SLC9A9: variants seen among roughly 807,000 people sequenced by gnomAD.
The protein encoded by SLC9A9 is sodium/hydrogen exchanger 9.
Under a neutral mutation model 77.8 loss-of-function variants are expected in SLC9A9, and 62 were observed. The ratio of observed to expected loss-of-function variants is 0.80; its 90% CI spans 0.65 to 0.98. The LOEUF (loss-of-function observed/expected upper bound fraction) is 0.98. Ranked by LOEUF, SLC9A9 falls within the 50% of genes least tolerant of loss-of-function variation. SLC9A9 has a pLI of 0.00. For synonymous variants in SLC9A9, 320 were observed against 283.5 expected, an observed-to-expected ratio of 1.13 and a Z score of -1.29; for missense variants, 775 against 774.9, an observed-to-expected ratio of 1.00 and a Z score of 0.00.
At chr3:143,386,004 T>A (rs890475955) in intron 12 of SLC9A9, among the ~76,000 whole-genome samples, 7 of 152,298 alleles carry the variant, frequency 4.6e-5, no homozygotes, top group African/African-American at 1.7e-4. Flanking sequence ...CCACGCTGGC[T>A]ACCACTGAAC....
chr3:143,763,120 A>AG (rs2108833894), intron 4 of SLC9A9, among the ~76,000 whole-genome samples: 1 of 152,262 alleles, frequency 6.6e-6, no homozygotes, highest in African/African-American at 2.4e-5. Flanking sequence ...CCCACTGCTT[A>AG]GGCTTTTGGT....
intron 14 of SLC9A9, among the ~76,000 whole-genome samples, chr3:143,269,532 G>A (rs1480533467): frequency 6.6e-6 from 1 of 152,126 alleles, no homozygotes; most frequent in Admixed American, 6.5e-5. Flanking sequence ...AGTCGGTGCT[G>A]GGTTTATTCT....
chr3:143,523,124 CT>C (rs1310772425), intron 9 of SLC9A9, among the ~76,000 whole-genome samples: 1 of 152,072 alleles, frequency 6.6e-6, no homozygotes, highest in African/African-American at 2.4e-5. Flanking sequence ...GGAGAGAGAG[CT>C]TTAGCACCTC....
intron 11 of SLC9A9, among the ~76,000 whole-genome samples, chr3:143,470,492 A>AG (rs2035360287): frequency 1.3e-5 from 2 of 151,512 alleles, no homozygotes; most frequent in Non-Finnish European, 2.9e-5. Context: ...AAAAAAAAAA[A>AG]AAGAAAAGAA....
intron 12 of SLC9A9, among the ~76,000 whole-genome samples, chr3:143,442,274 C>T (rs991471085): frequency 6.6e-6 from 1 of 152,236 alleles, no homozygotes; most frequent in Non-Finnish European, 1.5e-5. Context: ...AGCAGCATCT[C>T]AGTGGAGATA....
At chr3:143,609,636 T>C (rs918303683) in intron 6 of SLC9A9, among the ~76,000 whole-genome samples, 2 of 152,202 alleles carry the variant, frequency 1.3e-5, no homozygotes, top group Non-Finnish European at 2.9e-5. Flanking sequence ...CTGTTACTAT[T>C]CCTTACAGTT....
chr3:143,309,540 A>G (rs922162815), intron 14 of SLC9A9, among the ~76,000 whole-genome samples: 11 of 151,540 alleles, frequency 7.3e-5, no homozygotes, highest in African/African-American at 2.7e-4. Context: ...AGTAGTTTTT[A>G]TTTAGCAAGG....
chr3:143,292,457 G>T (rs561073957), intron 14 of SLC9A9, among the ~76,000 whole-genome samples: 1 of 152,224 alleles, frequency 6.6e-6, no homozygotes, highest in South Asian at 2.1e-4. Flanking sequence ...GCTGAGATCT[G>T]AACCCAAATC....
At chr3:143,681,574 C>A (rs1028079177) in intron 5 of SLC9A9, among the ~76,000 whole-genome samples, 1 of 152,204 alleles carries the variant, frequency 6.6e-6, no homozygotes, top group African/African-American at 2.4e-5. Flanking sequence ...TATTGTTGAA[C>A]AGAATTTCTG....
At chr3:143,510,782 G>A (rs1156953451) in intron 9 of SLC9A9, among the ~76,000 whole-genome samples, 1 of 152,108 alleles carries the variant, frequency 6.6e-6, no homozygotes, top group Non-Finnish European at 1.5e-5. Context: ...GTTTTGGCCT[G>A]TGAGTCACAT....
intron 11 of SLC9A9, among the ~76,000 whole-genome samples, chr3:143,478,365 C>T (rs907172873): frequency 6.6e-6 from 1 of 152,190 alleles, no homozygotes; most frequent in African/African-American, 2.4e-5. Flanking sequence ...GAATGACAGG[C>T]AGGGCACACA....
intron 11 of SLC9A9, among the ~76,000 whole-genome samples, chr3:143,483,078 G>A (rs1330970657): frequency 1.3e-5 from 2 of 152,184 alleles, no homozygotes; most frequent in Non-Finnish European, 2.9e-5. Flanking sequence ...AACTGCATTG[G>A]AGACACCCAG....
chr3:143,832,736 G>A (rs566061233), intron 1 of SLC9A9, among the ~76,000 whole-genome samples: 1 of 150,258 alleles, frequency 6.7e-6, no homozygotes, highest in East Asian at 2.0e-4. Context: ...TTGCTGGCAG[G>A]TTATCTGTGA....
chr3:143,317,228 C>A (rs1226119788), intron 14 of SLC9A9, among the ~76,000 whole-genome samples: 1 of 152,186 alleles, frequency 6.6e-6, no homozygotes, highest in Non-Finnish European at 1.5e-5. Context: ...AACTTGCCAG[C>A]TCCCTCTGTC....
intron 6 of SLC9A9, among the ~76,000 whole-genome samples, chr3:143,625,972 T>A (rs941519780): frequency 2.0e-5 from 3 of 152,120 alleles, no homozygotes; most frequent in African/African-American, 7.2e-5. Flanking sequence ...AACAGACACT[T>A]CTCAAAAGAA....
At chr3:143,390,017 A>C (rs2033521702) in intron 12 of SLC9A9, among the ~76,000 whole-genome samples, 1 of 152,170 alleles carries the variant, frequency 6.6e-6, no homozygotes, top group African/African-American at 2.4e-5. Context: ...GCATGGACAC[A>C]CTGTCATTGA....
At chr3:143,378,860 C>T (rs1027257351) in intron 13 of SLC9A9, among the ~76,000 whole-genome samples, 1 of 152,110 alleles carries the variant, frequency 6.6e-6, no homozygotes, top group African/African-American at 2.4e-5. Context: ...GCTTTTGTGC[C>T]TGGTACAAAT....
At chr3:143,799,413 A>G (rs1430046875) in intron 2 of SLC9A9, among the ~76,000 whole-genome samples, 1 of 152,242 alleles carries the variant, frequency 6.6e-6, no homozygotes, top group African/African-American at 2.4e-5. Flanking sequence ...AGAGGCAGCC[A>G]AGTAGCAATG....
intron 6 of SLC9A9, among the ~76,000 whole-genome samples, chr3:143,595,830 G>A (rs537912393): frequency 2.4e-3 from 366 of 152,332 alleles, no homozygotes; most frequent in African/African-American, 8.6e-3. Flanking sequence ...GTGTACAGTT[G>A]CTTGGTTAGT....
Sources: allele counts gnomAD v4.1 joint callset (sites outside exome capture counted in the v4.1 genomes callset), GRCh38; gene constraint gnomAD v4.1.1; transcripts MANE v1.5; gene names NCBI Gene and HGNC (gene_info 2026-07-23, HGNC 2026-07-21).